The following SMYD3 variants were observed in gnomAD, a reference collection of about 807,000 sequenced individuals.
SMYD3 encodes the protein SET and MYND domain containing 3, also known as histone-lysine N-methyltransferase SMYD3.
In SMYD3, 36 loss-of-function variants were observed where a neutral mutation model predicts 57.7. The observed-to-expected ratio is 0.62, with a 90% confidence interval of 0.48 to 0.82. The LOEUF (loss-of-function observed/expected upper bound fraction) is 0.82. SMYD3 is among the 40% of genes least tolerant of loss of function. The pLI, the probability that SMYD3 is intolerant of heterozygous loss-of-function variation, is 0.00. For synonymous variants in SMYD3, 211 were observed against 195.0 expected, an observed-to-expected ratio of 1.08 and a Z score of -0.68; for missense variants, 515 against 538.8, an observed-to-expected ratio of 0.96 and a Z score of 0.44.
chr1:246,373,431 A>T (rs2066221790), intron 1 of SMYD3, among the ~76,000 whole-genome samples: 1 of 152,198 alleles, frequency 6.6e-6, no homozygotes, highest in Non-Finnish European at 1.5e-5. Flanking sequence ...TTTAAATTAA[A>T]TATTCTTTAT....
chr1:246,146,868 C>T (rs1470631330), intron 5 of SMYD3, among the ~76,000 whole-genome samples: 1 of 152,094 alleles, frequency 6.6e-6, no homozygotes, highest in Non-Finnish European at 1.5e-5. Flanking sequence ...CCAAACTGTT[C>T]CTCCCTTGGT....
chr1:246,107,809 A>T (rs552634556), intron 5 of SMYD3, among the ~76,000 whole-genome samples: 94 of 152,358 alleles, frequency 6.2e-4, no homozygotes, highest in Middle Eastern at 3.4e-3. Context: ...AAGACCAGAA[A>T]CACAGGAGTA....
intron 11 of SMYD3, among the ~76,000 whole-genome samples, chr1:245,754,817 G>A (rs547320656): frequency 5.1e-4 from 78 of 152,330 alleles, no homozygotes; most frequent in African/African-American, 1.8e-3. Flanking sequence ...CCTGGGAGAA[G>A]CTCTGGCATA....
intron 8 of SMYD3, among the ~76,000 whole-genome samples, chr1:245,899,231 A>C (rs895435356): frequency 6.6e-6 from 1 of 151,526 alleles, no homozygotes; most frequent in Non-Finnish European, 1.5e-5. Flanking sequence ...TTGGGAATGC[A>C]CTAAGCTGAA....
chr1:246,202,068 T>C lies in SMYD3; in HGVS notation c.531+125133A>G, dbSNP rs1572206652. Among the ~76,000 whole-genome samples, 1 of 151,808 alleles carries C rather than the reference T, an allele frequency of 6.6e-6. No individual in the cohort carries two copies. Among genetic ancestry groups the C allele is most frequent in the Admixed American group, 6.6e-5 (1 of 15,222 alleles). ...TAAATGATTTATACTGATACATACA[T>C]AGAAAAACTGGAAATATGTACTGCA... On this transcript the variant is annotated intron_variant, in intron 5 of 11. Transcript: ENST00000490107. This position sits in a 1 kb window ranked among gnomAD's most constrained non-coding sequence, Gnocchi z 4.1.
intron 5 of SMYD3, among the ~76,000 whole-genome samples, chr1:246,107,243 C>T (rs966921525): frequency 1.4e-4 from 21 of 151,396 alleles, no homozygotes; most frequent in Middle Eastern, 3.4e-3. Context: ...GCCGAGATTG[C>T]GCCACTGCAC....
intron 5 of SMYD3, among the ~76,000 whole-genome samples, chr1:246,228,558 T>C (rs747144705): frequency 1.3e-5 from 2 of 152,174 alleles, no homozygotes; most frequent in Non-Finnish European, 2.9e-5. Context: ...TCCTGGTCCA[T>C]TGCCTATAGG....
intron 5 of SMYD3, among the ~76,000 whole-genome samples, chr1:246,164,602 G>C (rs994237913): frequency 3.3e-5 from 5 of 152,110 alleles, no homozygotes; most frequent in Non-Finnish European, 7.3e-5. Flanking sequence ...AGTAACCAAG[G>C]AAGCCAGGCC....
At chr1:245,906,434 C>T (rs1196917451) in intron 8 of SMYD3, among the ~76,000 whole-genome samples, 1 of 152,076 alleles carries the variant, frequency 6.6e-6, no homozygotes, top group Non-Finnish European at 1.5e-5. Flanking sequence ...AAATCAAAAC[C>T]ACAATGAGGT....
chr1:246,300,072 T>C (rs911194183), intron 5 of SMYD3, among the ~76,000 whole-genome samples: 9 of 147,696 alleles, frequency 6.1e-5, no homozygotes, highest in Non-Finnish European at 1.2e-4. Flanking sequence ...TGGAATAGTA[T>C]ACAACCATTA....
chr1:246,336,355 A>G (rs1442610378), intron 2 of SMYD3, among the ~76,000 whole-genome samples: 1 of 152,242 alleles, frequency 6.6e-6, no homozygotes, highest in Non-Finnish European at 1.5e-5. Context: ...CTCTCGTGTT[A>G]TATTCTGAAA....
At chr1:246,411,767 T>C (rs912699629) in intron 1 of SMYD3, among the ~76,000 whole-genome samples, 10 of 142,226 alleles carry the variant, frequency 7.0e-5, no homozygotes, top group African/African-American at 1.3e-4. Context: ...TAGGTGGGAA[T>C]TGAACAATGA....
intron 1 of SMYD3, among the ~76,000 whole-genome samples, chr1:246,418,468 A>G (rs998065742): frequency 3.3e-5 from 5 of 152,190 alleles, no homozygotes; most frequent in African/African-American, 1.2e-4. Context: ...GGCATGTGTT[A>G]CAAGGTGCTC....
intron 1 of SMYD3, among the ~76,000 whole-genome samples, chr1:246,451,069 G>C (rs73134143): frequency 7.2e-5 from 11 of 152,138 alleles, no homozygotes; most frequent in African/African-American, 2.7e-4. Flanking sequence ...GGTGCCTGCC[G>C]GTCCTGGAAA....
At chr1:246,465,000 C>T (rs1449046578) in intron 1 of SMYD3, among the ~76,000 whole-genome samples, 1 of 152,078 alleles carries the variant, frequency 6.6e-6, no homozygotes, top group Non-Finnish European at 1.5e-5. Context: ...TGATCACAAC[C>T]AGCTATGGAT....
chr1:245,839,044 C>A (rs951705152), intron 10 of SMYD3, among the ~76,000 whole-genome samples: 71 of 152,332 alleles, frequency 4.7e-4, no homozygotes, highest in Admixed American at 4.6e-3. Flanking sequence ...GTCCTGATGC[C>A]ACACCTGGCT....
intron 11 of SMYD3, among the ~76,000 whole-genome samples, chr1:245,752,481 ATCT>A (rs886519703): frequency 1.3e-4 from 20 of 152,162 alleles, no homozygotes; most frequent in African/African-American, 4.3e-4. Context: ...TGACAAAGCC[ATCT>A]TCTTGTCACT....
intron 7 of SMYD3, among the ~76,000 whole-genome samples, chr1:245,916,978 T>C (rs2055472854): frequency 6.7e-6 from 1 of 150,178 alleles, no homozygotes; most frequent in Non-Finnish European, 1.5e-5. Flanking sequence ...AGAAATGTTT[T>C]TTACTAATTT....
intron 5 of SMYD3, among the ~76,000 whole-genome samples, chr1:246,167,786 C>T (rs2062246702): frequency 6.6e-6 from 1 of 152,206 alleles, no homozygotes; most frequent in Admixed American, 6.5e-5. Flanking sequence ...GCTGGGATTA[C>T]AGGCGTGAGC....
Sources: gnomAD v4.1 joint callset for allele counts (sites outside exome capture counted in the v4.1 genomes callset) on GRCh38, gnomAD v4.1.1 for gene constraint, Gnocchi (gnomAD v3.1) non-coding constraint, MANE v1.5 for transcripts, NCBI Gene and HGNC (gene_info 2026-07-23, HGNC 2026-07-21) for gene names.